Variants in MDH1 observed in about 807,000 individuals in gnomAD.
MDH1 encodes malate dehydrogenase, cytoplasmic.
Under a neutral mutation model 38.7 loss-of-function variants are expected in MDH1, and 15 were observed. The ratio of observed to expected loss-of-function variants is 0.39; its 90% CI spans 0.26 to 0.60. The LOEUF is 0.60. Ranked by LOEUF, MDH1 falls within the 20% of genes least tolerant of loss-of-function variation. The pLI, the probability that MDH1 is intolerant of heterozygous loss-of-function variation, is 0.56. For missense variants in MDH1, 368 were observed against 405.2 expected (o/e 0.91, Z 0.79); for synonymous variants, 144 against 143.6 (o/e 1.00, Z -0.02).
Position 63,588,991 on chromosome 2 carries a change from A to C in MDH1, c.-53A>C. On this transcript the variant is annotated 5_prime_UTR_variant, in exon 1 of 9. Coordinates refer to ENST00000233114, the MANE Select transcript of MDH1 (RefSeq NM_005917.4). The stretch of plus-strand genomic sequence containing the variant: ...TCAGTTCCGCGGTAGAGGTGACCTG[A>C]CTCTCTGAGGCTCATTTTGCAGTTG... The C allele has an allele frequency of 6.2e-7, 1 of 1,613,844 alleles. No homozygotes were observed. The highest frequency in any genetic ancestry group is 8.5e-7 in the Non-Finnish European group (1 of 1,179,898).
chr2:63,594,352 T>C (rs1709261238), intron 1 of MDH1, 136 bp from the exon 2 acceptor site: 1 of 770,366 alleles, frequency 1.3e-6, no homozygotes, highest in Non-Finnish European at 2.4e-6. Flanking sequence ...CATTTTCTAC[T>C]GAGCCAGATG....
rs1365143282 is a variant in MDH1 at position 63,605,989 on chromosome 2, TC to T, written c.842del (p.Pro281LeufsTer11). 1 of 1,614,076 alleles carries T rather than the reference TC, an allele frequency of 6.2e-7. No homozygotes were observed. The highest frequency in any genetic ancestry group is 8.5e-7 in the Non-Finnish European group (1 of 1,180,030). ...VISDGNSYGVPDDLLYSFPVV... is the reference protein window; with the variant it reads ...VISDGNSYGVXDDLLYSFPVV... ...TCTCTGATGGCAACTCCTATGGTGT[TC>T]CTGATGATCTGCTCTACTCATTCCC... On this transcript the variant is annotated frameshift_variant, in exon 8 of 9. Coordinates refer to ENST00000233114, the MANE Select transcript of MDH1 (RefSeq NM_005917.4). LOFTEE classifies it high-confidence loss of function.
At position 63,606,938 on chromosome 2, in the gene MDH1, A is replaced by T; in HGVS notation, c.956A>T (p.Glu319Val). 6.2e-7 allele frequency: 1 copy of T among 1,613,048 alleles called. No homozygotes were observed. Among genetic ancestry groups the T allele is most frequent in the Non-Finnish European group, 8.5e-7 (1 of 1,179,424 alleles). Residue 319 changes from glutamate (E) to valine (V), a missense_variant, in exon 9 of 9, where the codon GAA becomes GTA. Coordinates refer to ENST00000233114, the MANE Select transcript of MDH1 (RefSeq NM_005917.4). ...GAGAAGATGGATCTTACTGCAAAGG[A>T]ACTGACAGAAGAAAAAGAAAGTGCT... ...SREKMDLTAK[E>V]LTEEKESAFE...
chr2:63,603,976 C>T lies in MDH1; in HGVS notation c.499-720C>T, dbSNP rs568448963. Among the ~76,000 whole-genome samples the T allele has an allele frequency of 7.0e-4, 106 of 152,300 alleles. 1 individual carries two copies. The South Asian group carries it at 0.022, about 31-fold the overall frequency. On this transcript the variant is annotated intron_variant, in intron 5 of 8. Coordinates refer to ENST00000233114, the MANE Select transcript of MDH1 (RefSeq NM_005917.4). ...CCAGCCCAAGACATAACTTTCTAAC[C>T]TTTTTTGTGGCTACTGTACTACATG...
At position 63,604,765 on chromosome 2, in the gene MDH1, A is replaced by C. The variant is rs1207565166; in HGVS notation, c.568A>C (p.Thr190Pro). ...CATTATCTGGGGAAACCATTCCTCGACTCAGTATCCAGATGTCAACCATGC... is the reference window on the plus strand; with the variant it reads ...CATTATCTGGGGAAACCATTCCTCGCCTCAGTATCCAGATGTCAACCATGC... ...NVIIWGNHSS[T>P]QYPDVNHAKV... Residue 190 changes from threonine to proline, a missense_variant, in exon 6 of 9, where the codon ACT (threonine) becomes CCT (proline). Coordinates refer to ENST00000233114, the MANE Select transcript of MDH1 (RefSeq NM_005917.4). 6.2e-7 allele frequency: 1 copy of C among 1,614,160 alleles called. No homozygotes were observed.
At chr2:63,603,060 A>G (rs554637399) in intron 5 of MDH1, among the ~76,000 whole-genome samples, 101 of 146,322 alleles carry the variant, frequency 6.9e-4, no homozygotes, top group Non-Finnish European at 1.3e-3. Context: ...CCCAGGTTCA[A>G]GAGATTCTCC....
At chr2:63,603,415 C>T (rs766993424) in intron 5 of MDH1, among the ~76,000 whole-genome samples, 1 of 152,140 alleles carries the variant, frequency 6.6e-6, no homozygotes, top group African/African-American at 2.4e-5. Context: ...GACTCTGGCA[C>T]AACTAGTTTC....
intron 7 of MDH1, 63 bp downstream of exon 7, chr2:63,605,456 T>A: frequency 8.7e-7 from 1 of 1,155,614 alleles, no homozygotes; most frequent in Non-Finnish European, 1.3e-6. Context: ...TGATATAATA[T>A]AAAAAGAATA....
intron 1 of MDH1, among the ~76,000 whole-genome samples, chr2:63,592,393 A>G (rs955163841): frequency 3.9e-5 from 6 of 152,220 alleles, no homozygotes; most frequent in African/African-American, 1.4e-4. Flanking sequence ...CTCTGTCACC[A>G]AGGCTGAAGT....
At chr2:63,590,839 C>T (rs1448747569) in intron 1 of MDH1, 2 of 152,176 alleles carry the variant, frequency 1.3e-5, no homozygotes, top group East Asian at 3.9e-4. Flanking sequence ...CCTGCCCCCT[C>T]AGGAGGGTGT....
intron 1 of MDH1, among the ~76,000 whole-genome samples, chr2:63,592,867 A>T (rs1471388629): frequency 6.6e-6 from 1 of 152,100 alleles, no homozygotes; most frequent in Non-Finnish European, 1.5e-5. Context: ...GTCCTTAAGG[A>T]TCTCGTATTC....
chr2:63,599,415 C>T (rs1433493970), intron 5 of MDH1, 123 bp downstream of exon 5: 3 of 941,982 alleles, frequency 3.2e-6, no homozygotes, highest in East Asian at 3.0e-5. Context: ...GAACCTATTA[C>T]TTTTATTAAA....
chr2:63,589,133 A>G, intron 1 of MDH1, 87 bp downstream of exon 1: 6 of 1,613,576 alleles, frequency 3.7e-6, no homozygotes, highest in Non-Finnish European at 5.1e-6. Context: ...TTTGGGAGGC[A>G]GCTGTGCAAG....
intron 4 of MDH1, 89 bp downstream of exon 4, chr2:63,597,663 C>A: frequency 8.4e-7 from 1 of 1,196,344 alleles, no homozygotes; most frequent in Non-Finnish European, 1.1e-6. Flanking sequence ...AATTATTTGC[C>A]CTTTTTTCTA....
chr2:63,598,874 T>C (rs993072096), intron 4 of MDH1, among the ~76,000 whole-genome samples: 2 of 141,302 alleles, frequency 1.4e-5, no homozygotes, highest in African/African-American at 5.3e-5. Context: ...GTATCTTGTC[T>C]ACAGCTTGTC....
Position 63,597,517 on chromosome 2 carries a change from G to GA in MDH1, c.322dup (p.Ile108AsnfsTer11). The GA allele has an allele frequency of 2.7e-6, 4 of 1,508,568 alleles. No individual in the cohort carries two copies. The highest frequency in any genetic ancestry group is 2.7e-6 in the Non-Finnish European group (3 of 1,120,008). The allele number at this position is 1,508,568 out of a possible 1,614,324, so 93.4% of individuals were successfully genotyped here. A position where few individuals can be genotyped will look rare whatever the true frequency, so the allele number is the denominator to read the frequency against. On this transcript the variant is annotated frameshift_variant, in exon 4 of 9. Coordinates refer to ENST00000233114, the MANE Select transcript of MDH1 (RefSeq NM_005917.4). LOFTEE classifies it high-confidence loss of function. Reference sequence around the variant, plus strand: ...GAAAAGATTTACTGAAAGCAAATGTGAAAATCTTCAAATCCCAGGGTGCAG... The same window carrying GA: ...GAAAAGATTTACTGAAAGCAAATGTGAAAAATCTTCAAATCCCAGGGTGCAG...
intron 5 of MDH1, among the ~76,000 whole-genome samples, chr2:63,604,020 G>A (rs930117691): frequency 6.6e-5 from 10 of 152,200 alleles, no homozygotes; most frequent in African/African-American, 2.2e-4. Flanking sequence ...AGGCATTGCA[G>A]GACCCTAAAG....
chr2:63,589,171 C>T, intron 1 of MDH1, 125 bp downstream of exon 1: 1 of 1,610,244 alleles, frequency 6.2e-7, no homozygotes. Context: ...CTTTGGCAAG[C>T]TCGGACTCAT....
Position 63,605,317 on chromosome 2 carries a change from G to T in MDH1, c.713G>T (p.Arg238Leu). 3 of 1,614,138 alleles carry T rather than the reference G, an allele frequency of 1.9e-6. No individual in the cohort carries two copies. Among genetic ancestry groups the T allele is most frequent in the Non-Finnish European group, 1.7e-6 (2 of 1,180,006 alleles). Residue 238 changes from arginine (R) to leucine (L), a missense_variant, in exon 7 of 9, where the codon CGA becomes CTA. Coordinates refer to ENST00000233114, the MANE Select transcript of MDH1 (RefSeq NM_005917.4). Reference sequence around the variant, plus strand: ...CGTGGCGCTGCTGTCATCAAGGCTCGAAAACTATCCAGTGCCATGTCTGCT... The same window carrying T: ...CGTGGCGCTGCTGTCATCAAGGCTCTAAAACTATCCAGTGCCATGTCTGCT... ...QQRGAAVIKA[R>L]KLSSAMSAAK...
Sources: allele counts gnomAD v4.1 joint callset (sites outside exome capture counted in the v4.1 genomes callset), GRCh38; gene constraint gnomAD v4.1.1; transcripts MANE v1.5; gene names NCBI Gene and HGNC (gene_info 2026-07-23, HGNC 2026-07-21).